The following BTBD9 variants were observed in gnomAD, a reference collection of about 807,000 sequenced individuals.
BTBD9 encodes BTB/POZ domain-containing protein 9.
A neutral mutation model predicts 64.3 loss-of-function variants in BTBD9; 49 were observed. The observed-to-expected ratio is 0.76, with a 90% CI of 0.61 to 0.97. BTBD9 has a LOEUF of 0.97. Among genes scored for constraint, BTBD9 ranks in the 50% least tolerant of loss-of-function variants. The pLI is 0.00. For missense variants in BTBD9, 598 were observed against 762.1 expected, an observed-to-expected ratio of 0.78 and a Z score of 2.53; for synonymous variants, 260 against 274.7, an observed-to-expected ratio of 0.95 and a Z score of 0.53.
chr6:38,465,636 G>A (rs1214632611), intron 6 of BTBD9, among the ~76,000 whole-genome samples: 8 of 143,346 alleles, frequency 5.6e-5, no homozygotes, highest in South Asian at 4.5e-4. Context: ...GCAGTGAGCC[G>A]AGACCACGCC....
intron 6 of BTBD9, among the ~76,000 whole-genome samples, chr6:38,515,566 T>C (rs1348411336): frequency 6.6e-6 from 1 of 152,204 alleles, no homozygotes; most frequent in Non-Finnish European, 1.5e-5. Context: ...CTACTAAGCA[T>C]AGAACTATCC....
chr6:38,264,005 G>T (rs1184987742), intron 8 of BTBD9, among the ~76,000 whole-genome samples: 1 of 152,196 alleles, frequency 6.6e-6, no homozygotes. Context: ...AAGAGCAGGG[G>T]TGGTGGGAAA....
rs144555997 is a variant in BTBD9, at chr6:38,635,413, G to A, written c.-28+4387C>T. On this transcript the variant is annotated intron_variant, in intron 1 of 10. Coordinates refer to ENST00000481247, the MANE Select transcript of BTBD9 (RefSeq NM_001099272.2). ...AGCCTCCCAAAGTGCTGGAGTTACA[G>A]GCATGAGCCACCACACCTGGCCACC... Among the ~76,000 whole-genome samples, 632 of 152,292 alleles carry A rather than the reference G, an allele frequency of 4.1e-3. 9 individuals carry two copies. Among genetic ancestry groups the A allele is most frequent in the African/African-American group, 0.014 (599 of 41,538 alleles).
intron 6 of BTBD9, among the ~76,000 whole-genome samples, chr6:38,575,723 T>G (rs1775992281): frequency 6.6e-6 from 1 of 152,174 alleles, no homozygotes; most frequent in Non-Finnish European, 1.5e-5. Flanking sequence ...AAATTCTTAT[T>G]AACATGGATA....
chr6:38,303,837 CTAGATATA>C (rs1221587845), intron 7 of BTBD9, among the ~76,000 whole-genome samples: 2 of 23,614 alleles, frequency 8.5e-5, no homozygotes, highest in African/African-American at 2.1e-4. Context: ...ACTTTAGTTG[CTAGATATA>C]TATATATATA....
intron 9 of BTBD9, among the ~76,000 whole-genome samples, chr6:38,227,662 A>C (rs1763445422): frequency 6.6e-6 from 1 of 152,200 alleles, no homozygotes; most frequent in Admixed American, 6.5e-5. Context: ...ATCTAGAAAG[A>C]AACAAGGGAT....
In BTBD9 at chr6:38,639,785, G is replaced by C. The variant is rs931274525; in HGVS notation, c.-28+15C>G. On this transcript the variant is annotated intron_variant, in intron 1 of 10. Transcript: ENST00000481247. ...GGCCAGGCCCCACCTCCCCTGCAAG[G>C]ACCCGGCTACTCACCCCAGCGATGC... is the stretch of plus-strand genomic sequence containing the variant. 6.6e-6 allele frequency: 1 copy of C among 151,878 alleles called. No homozygotes were observed. Among genetic ancestry groups the C allele is most frequent in the Admixed American group, 6.6e-5 (1 of 15,250 alleles). The allele number at this position is 151,878 out of a possible 1,614,324, so 9.4% of individuals were successfully genotyped here.
intron 9 of BTBD9, among the ~76,000 whole-genome samples, chr6:38,243,651 C>T (rs958105946): frequency 1.3e-5 from 2 of 151,928 alleles, no homozygotes; most frequent in African/African-American, 4.8e-5. Flanking sequence ...TAAGAGATGC[C>T]CAGGGGAAGG....
chr6:38,632,594 T>C (rs912755482), intron 1 of BTBD9, among the ~76,000 whole-genome samples: 1 of 152,164 alleles, frequency 6.6e-6, no homozygotes, highest in Non-Finnish European at 1.5e-5. Context: ...TGAACTGTAC[T>C]TGAAAAAGTA....
intron 6 of BTBD9, among the ~76,000 whole-genome samples, chr6:38,398,060 C>T (rs753184662): frequency 1.3e-5 from 2 of 152,246 alleles, no homozygotes; most frequent in African/African-American, 2.4e-5. Flanking sequence ...GGATCTTGGA[C>T]TTTATGCCAT....
chr6:38,178,001 C>T (rs1283753133), intron 10 of BTBD9, among the ~76,000 whole-genome samples: 3 of 152,176 alleles, frequency 2.0e-5, no homozygotes, highest in African/African-American at 7.2e-5. Flanking sequence ...AGCCCTAGGC[C>T]GTAACTGCCT....
intron 6 of BTBD9, among the ~76,000 whole-genome samples, chr6:38,390,635 C>A (rs978980743): frequency 1.3e-5 from 2 of 152,134 alleles, no homozygotes; most frequent in African/African-American, 4.8e-5. Flanking sequence ...CTAGACAATA[C>A]CCCCAAATTC....
At chr6:38,371,684 C>T (rs1765434594) in intron 6 of BTBD9, among the ~76,000 whole-genome samples, 1 of 152,162 alleles carries the variant, frequency 6.6e-6, no homozygotes, top group Non-Finnish European at 1.5e-5. Context: ...TCTCAGCTTC[C>T]CAATCTTTCT....
chr6:38,270,162 G>A (rs1008763141), intron 8 of BTBD9, among the ~76,000 whole-genome samples: 14 of 152,096 alleles, frequency 9.2e-5, no homozygotes, highest in East Asian at 5.8e-4. Flanking sequence ...TTGTTCAGCC[G>A]GCTCACTCTT....
intron 7 of BTBD9, among the ~76,000 whole-genome samples, chr6:38,343,090 A>G (rs1173026814): frequency 6.6e-6 from 1 of 152,246 alleles, no homozygotes; most frequent in Non-Finnish European, 1.5e-5. Context: ...GCAGATGATT[A>G]CAGTGCTCTT....
intron 9 of BTBD9, among the ~76,000 whole-genome samples, chr6:38,205,387 G>A (rs1045559935): frequency 2.6e-5 from 4 of 152,074 alleles, no homozygotes; most frequent in Non-Finnish European, 5.9e-5. Flanking sequence ...GCAACACTGG[G>A]GGTGAGAAGA....
intron 9 of BTBD9, among the ~76,000 whole-genome samples, chr6:38,219,129 CTTTTTTTTTTTTTTT>C (rs5875622): frequency 2.8e-5 from 2 of 70,894 alleles, no homozygotes; most frequent in African/African-American, 1.3e-4. Flanking sequence ...ACTTTCTTTT[CTTTTTTTTTTTTTTT>C]TTTTTTTTTG....
chr6:38,372,891 G>C (rs530382962), intron 6 of BTBD9, among the ~76,000 whole-genome samples: 1 of 152,246 alleles, frequency 6.6e-6, no homozygotes, highest in African/African-American at 2.4e-5. Flanking sequence ...CAAACTCTTG[G>C]CTGGACTTAT....
chr6:38,587,122 G>A (rs1293437257), intron 4 of BTBD9, among the ~76,000 whole-genome samples: 4 of 152,026 alleles, frequency 2.6e-5, no homozygotes, highest in Non-Finnish European at 5.9e-5. Context: ...GAGATTGGGT[G>A]GGCCCACATG....
Sources: gnomAD v4.1 joint callset for allele counts (sites outside exome capture counted in the v4.1 genomes callset) on GRCh38, gnomAD v4.1.1 for gene constraint, MANE v1.5 for transcripts, NCBI Gene and HGNC (gene_info 2026-07-23, HGNC 2026-07-21) for gene names.